The following NFIA variants were observed in gnomAD, a reference collection of about 807,000 sequenced individuals.
The protein encoded by NFIA is nuclear factor I A, also known as nuclear factor 1 A-type.
NFIA carries 8 observed loss-of-function variants against 62.8 expected under a neutral mutation model. That is an observed-to-expected ratio of 0.13 (90% CI 0.07 to 0.23). The LOEUF (loss-of-function observed/expected upper bound fraction) is 0.23, where lower values mean the gene tolerates loss of function less well. Among genes scored for constraint, NFIA ranks in the 10% least tolerant of loss-of-function variants. The probability of loss-of-function intolerance (pLI) is 1.00; values close to 1 mark genes in which losing one functional copy is unlikely to be tolerated. For synonymous variants in NFIA, 235 were observed against 238.1 expected, an observed-to-expected ratio of 0.99 and a Z score of 0.12; for missense variants, 410 against 642.1, an observed-to-expected ratio of 0.64 and a Z score of 3.91.
intron 3 of NFIA, among the ~76,000 whole-genome samples, chr1:61,288,984 G>C (rs913564742): frequency 1.6e-4 from 25 of 152,260 alleles, no homozygotes; most frequent in South Asian, 4.1e-4. Flanking sequence ...TGTCCAGGCT[G>C]GGTTCAAACT....
chr1:61,150,214 G>C (rs1193273819), intron 2 of NFIA, among the ~76,000 whole-genome samples: 1 of 152,210 alleles, frequency 6.6e-6, no homozygotes, highest in African/African-American at 2.4e-5. Flanking sequence ...ACTCAGCTCT[G>C]TGTTCTCTGC....
At position 61,452,078 on chromosome 1, in the gene NFIA, A is replaced by G. The variant is rs531430123; in HGVS notation, c.1513-3225A>G. Among the ~76,000 whole-genome samples, 71 of 152,330 alleles carry G rather than the reference A, an allele frequency of 4.7e-4. 2 individuals are homozygous for G. In the South Asian group the frequency reaches 0.014, roughly 30 times the overall value. On this transcript the variant is annotated intron_variant, in intron 10 of 10. Coordinates refer to ENST00000403491, the MANE Select transcript of NFIA (RefSeq NM_001134673.4). Reference sequence around the variant, plus strand: ...TGCATAATAGAAATTATAAGAAAATATCACAAGAGAAAAGTAGGCTTTTAC... The same window carrying G: ...TGCATAATAGAAATTATAAGAAAATGTCACAAGAGAAAAGTAGGCTTTTAC...
intron 2 of NFIA, among the ~76,000 whole-genome samples, chr1:61,212,587 G>C (rs375140148): frequency 1.1e-4 from 16 of 152,256 alleles, no homozygotes; most frequent in African/African-American, 3.8e-4. Flanking sequence ...ACATTAAAAA[G>C]AGGCTGTAAA....
chr1:61,301,594 TGTG>T (rs1570541837), intron 3 of NFIA, among the ~76,000 whole-genome samples: 2 of 152,332 alleles, frequency 1.3e-5, no homozygotes, highest in East Asian at 3.9e-4. Context: ...CATTTACCCT[TGTG>T]GTTATTTTTT....
At chr1:61,274,263 A>G (rs1459859893) in intron 2 of NFIA, among the ~76,000 whole-genome samples, 1 of 152,196 alleles carries the variant, frequency 6.6e-6, no homozygotes, top group Non-Finnish European at 1.5e-5. Context: ...TGTCTATTTT[A>G]GGTTTAAATT....
At chr1:61,241,017 A>T (rs1168032231) in intron 2 of NFIA, among the ~76,000 whole-genome samples, 1 of 148,786 alleles carries the variant, frequency 6.7e-6, no homozygotes, top group Non-Finnish European at 1.5e-5. Flanking sequence ...TTTTTGGTTT[A>T]TAATTTCTTT....
intron 3 of NFIA, among the ~76,000 whole-genome samples, chr1:61,305,533 T>C (rs922654898): frequency 3.3e-5 from 5 of 152,198 alleles, no homozygotes; most frequent in African/African-American, 1.2e-4. Flanking sequence ...TGTAGACTTA[T>C]GAAATCTGAT....
intron 3 of NFIA, among the ~76,000 whole-genome samples, chr1:61,304,588 G>A (rs1291400067): frequency 6.6e-6 from 1 of 152,136 alleles, no homozygotes; most frequent in African/African-American, 2.4e-5. Flanking sequence ...GGAGGCAGTG[G>A]GGAACAGGAC....
At chr1:61,183,427 G>A (rs1336810822) in intron 2 of NFIA, among the ~76,000 whole-genome samples, 1 of 152,158 alleles carries the variant, frequency 6.6e-6, no homozygotes, top group Non-Finnish European at 1.5e-5. Flanking sequence ...GAGGAACACC[G>A]ATAAACCATC....
At chr1:61,133,914 G>C (rs1238602682) in intron 2 of NFIA, among the ~76,000 whole-genome samples, 1 of 152,086 alleles carries the variant, frequency 6.6e-6, no homozygotes, top group Non-Finnish European at 1.5e-5. Context: ...GGCTGAGGGG[G>C]TGGATCCAGA....
intron 3 of NFIA, among the ~76,000 whole-genome samples, chr1:61,307,910 G>C (rs865844765): frequency 1.3e-5 from 2 of 152,168 alleles, no homozygotes; most frequent in African/African-American, 2.4e-5. Context: ...GTCAGTTGTT[G>C]TTGTTGTTAT....
At chr1:61,335,389 C>G (rs1220577486) in intron 4 of NFIA, among the ~76,000 whole-genome samples, 2 of 152,200 alleles carry the variant, frequency 1.3e-5, no homozygotes, top group African/African-American at 2.4e-5. Context: ...GCTTAACACT[C>G]AAGCCGCATG....
intron 2 of NFIA, among the ~76,000 whole-genome samples, chr1:61,158,311 A>C (rs533163354): frequency 7.2e-5 from 11 of 152,282 alleles, no homozygotes; most frequent in African/African-American, 2.6e-4. Context: ...GTTTTATTTA[A>C]TATACTGATC....
intron 2 of NFIA, among the ~76,000 whole-genome samples, chr1:61,236,768 C>T (rs996928981): frequency 2.6e-5 from 4 of 152,130 alleles, no homozygotes; most frequent in African/African-American, 9.7e-5. Context: ...GGACTTAGTC[C>T]ATAGGCAGAT....
At position 61,332,606 on chromosome 1, in the gene NFIA, G is replaced by T; in HGVS notation, c.700+20G>T. 2 of 1,608,408 alleles carry T rather than the reference G, an allele frequency of 1.2e-6. No individual in the cohort carries two copies. Among genetic ancestry groups the T allele is most frequent in the Non-Finnish European group, 1.7e-6 (2 of 1,175,216 alleles). On this transcript the variant is annotated intron_variant, in intron 4 of 10. Coordinates refer to ENST00000403491, the MANE Select transcript of NFIA (RefSeq NM_001134673.4). Reference sequence around the variant, plus strand: ...CACAGAGTAAGTATAATTTTGCTTTGATTTGGTACAGATTTGCCTTGGTTT... The same window carrying T: ...CACAGAGTAAGTATAATTTTGCTTTTATTTGGTACAGATTTGCCTTGGTTT...
Position 61,088,955 on chromosome 1 carries a change from G to T in NFIA, c.559+275G>T, listed in dbSNP as rs12126737. ...ATATGTTTAAATCACATTTTTTGAT[G>T]AGGGGATGAGAGAAGCCTCGTGAAA... On this transcript the variant is annotated intron_variant, in intron 2 of 10. Coordinates refer to ENST00000403491, the MANE Select transcript of NFIA (RefSeq NM_001134673.4). This position sits in a 1 kb window ranked among gnomAD's most constrained non-coding sequence, Gnocchi z 4.5. Among the ~76,000 whole-genome samples the T allele has an allele frequency of 0.083, 12,580 of 152,272 alleles. 517 individuals carry two copies. The highest frequency in any genetic ancestry group is 0.095 in the East Asian group (494 of 5,180).
intron 2 of NFIA, among the ~76,000 whole-genome samples, chr1:61,231,802 T>A (rs1161375969): frequency 6.6e-5 from 10 of 152,154 alleles, no homozygotes; most frequent in African/African-American, 1.9e-4. Context: ...GAATAGCCAC[T>A]GTACTCCAGC....
chr1:61,154,136 G>GTTTTA (rs1045160669), intron 2 of NFIA, among the ~76,000 whole-genome samples: 24 of 152,202 alleles, frequency 1.6e-4, no homozygotes, highest in Admixed American at 1.4e-3. Context: ...ACACACATTT[G>GTTTTA]TTTTATTTTA....
chr1:61,276,516 G>A (rs1657816125), intron 2 of NFIA, among the ~76,000 whole-genome samples: 1 of 152,042 alleles, frequency 6.6e-6, no homozygotes, highest in Admixed American at 6.6e-5. Context: ...AGATACAGAG[G>A]TTTTGTTGAA....
Sources: allele counts gnomAD v4.1 joint callset (sites outside exome capture counted in the v4.1 genomes callset), GRCh38; gene constraint gnomAD v4.1.1; non-coding constraint Gnocchi (gnomAD v3.1); transcripts MANE v1.5; gene names NCBI Gene and HGNC (gene_info 2026-07-23, HGNC 2026-07-21).